Variants in NRXN3 observed in about 807,000 individuals in gnomAD.
NRXN3 encodes neurexin III.
NRXN3 carries 32 observed loss-of-function variants against 137.6 expected under a neutral mutation model. The ratio of observed to expected loss-of-function variants is 0.23; its 90% CI spans 0.18 to 0.31. The LOEUF (loss-of-function observed/expected upper bound fraction) is 0.31, where lower values mean the gene tolerates loss of function less well. NRXN3 is among the 10% of genes least tolerant of loss of function. NRXN3 has a pLI of 1.00. For synonymous variants in NRXN3, 798 were observed against 784.5 expected (o/e 1.02, Z -0.29); for missense variants, 1,574 against 2,062.5 (o/e 0.76, Z 4.59).
intron 4 of NRXN3, chr14:78,526,770 G>A (rs1379556398): frequency 1.9e-6 from 1 of 517,892 alleles, no homozygotes; most frequent in Non-Finnish European, 3.9e-6. Context: ...AGACAGGAAA[G>A]CTGAGTTGGA....
At chr14:79,073,067 AGT>A (rs2099690227) in intron 15 of NRXN3, among the ~76,000 whole-genome samples, 1 of 151,960 alleles carries the variant, frequency 6.6e-6, no homozygotes. Flanking sequence ...TTGTATTTTT[AGT>A]ACAGACAGTG....
chr14:79,732,626 G>T (rs2098928151), intron 19 of NRXN3, among the ~76,000 whole-genome samples: 1 of 152,076 alleles, frequency 6.6e-6, no homozygotes, highest in Admixed American at 6.6e-5. Context: ...CTTTTGTGAG[G>T]TTTCATTCAT....
At position 79,346,274 on chromosome 14, in the gene NRXN3, T is replaced by G. The variant is rs111283181; in HGVS notation, c.3263-120947T>G. Among the ~76,000 whole-genome samples the G allele has an allele frequency of 2.8e-4, 42 of 152,144 alleles. 1 individual carries two copies. The highest frequency in any genetic ancestry group is 9.6e-4 in the African/African-American group (40 of 41,504). On this transcript the variant is annotated intron_variant, in intron 15 of 20. Transcript: ENST00000335750. Reference sequence around the variant, plus strand: ...ATCTCTGCTAAAAATACAAAAAAATTAGCTGGATGTGGTGGTGGCACCTGT... The same window carrying G: ...ATCTCTGCTAAAAATACAAAAAAATGAGCTGGATGTGGTGGTGGCACCTGT...
chr14:79,203,071 TA>T (rs1263250654), intron 15 of NRXN3, among the ~76,000 whole-genome samples: 2 of 152,202 alleles, frequency 1.3e-5, no homozygotes, highest in East Asian at 3.8e-4. Context: ...CATTATCTTT[TA>T]CCAGAAAACT....
intron 16 of NRXN3, among the ~76,000 whole-genome samples, chr14:79,556,267 T>C (rs1327958206): frequency 6.6e-6 from 1 of 152,174 alleles, no homozygotes; most frequent in Non-Finnish European, 1.5e-5. Flanking sequence ...TGTGTATTAT[T>C]CTCTGAGAGG....
intron 15 of NRXN3, among the ~76,000 whole-genome samples, chr14:79,305,806 C>T (rs543053156): frequency 7.2e-4 from 109 of 152,184 alleles, no homozygotes; most frequent in African/African-American, 2.5e-3. Flanking sequence ...TCAGTTTCCT[C>T]ACCTGTCCAG....
chr14:79,237,344 G>A (rs1397499080), intron 15 of NRXN3, among the ~76,000 whole-genome samples: 13 of 152,094 alleles, frequency 8.5e-5, no homozygotes, highest in African/African-American at 2.4e-4. Flanking sequence ...CAGATTTGGC[G>A]GTACAGGGGA....
intron 15 of NRXN3, among the ~76,000 whole-genome samples, chr14:79,299,643 A>G (rs2153222217): frequency 6.6e-6 from 1 of 152,232 alleles, no homozygotes; most frequent in African/African-American, 2.4e-5. Flanking sequence ...ATACCCAAAA[A>G]ACTTAGTAAA....
intron 15 of NRXN3, among the ~76,000 whole-genome samples, chr14:79,428,127 A>G (rs2095686538): frequency 6.6e-6 from 1 of 152,134 alleles, no homozygotes; most frequent in Non-Finnish European, 1.5e-5. Flanking sequence ...ATATCTGGCA[A>G]TGGAGGATAT....
intron 10 of NRXN3, among the ~76,000 whole-genome samples, chr14:78,872,593 A>G (rs2099104212): frequency 2.6e-5 from 4 of 152,144 alleles, no homozygotes; most frequent in Admixed American, 2.6e-4. Flanking sequence ...CTAACAAACC[A>G]TTAGAAACTG....
chr14:78,929,447 A>C (rs1279460123), intron 10 of NRXN3, among the ~76,000 whole-genome samples: 1 of 152,186 alleles, frequency 6.6e-6, no homozygotes, highest in Non-Finnish European at 1.5e-5. Context: ...TATAAGTGAG[A>C]ACATGCAGTA....
At chr14:78,611,144 T>C (rs2097297088) in intron 4 of NRXN3, among the ~76,000 whole-genome samples, 1 of 151,970 alleles carries the variant, frequency 6.6e-6, no homozygotes, top group Admixed American at 6.6e-5. Flanking sequence ...AGCTGAAAAA[T>C]GGCAGCTAAA....
At chr14:79,678,826 T>A (rs1013465726) in intron 17 of NRXN3, among the ~76,000 whole-genome samples, 5 of 152,246 alleles carry the variant, frequency 3.3e-5, no homozygotes, top group Non-Finnish European at 7.4e-5. Context: ...TCTTTTAATC[T>A]CTTGGATCAT....
rs369978239 is a variant in NRXN3, at chr14:79,117,331, G to C, written c.3262+129190G>C. On this transcript the variant is annotated intron_variant, in intron 15 of 20. Transcript: ENST00000335750. ...GAGGGAAGGACTCAGATGGAAATAAGGTATCACAGAAGGGTGCAGAGTGCC... is the reference window on the plus strand; with the variant it reads ...GAGGGAAGGACTCAGATGGAAATAACGTATCACAGAAGGGTGCAGAGTGCC... Among the ~76,000 whole-genome samples the C allele has an allele frequency of 7.9e-5, 12 of 152,262 alleles. No homozygotes were observed. In the East Asian group the frequency reaches 1.9e-3, roughly 25 times the overall value.
chr14:79,058,189 G>T (rs1236480373), intron 15 of NRXN3, among the ~76,000 whole-genome samples: 1 of 152,042 alleles, frequency 6.6e-6, no homozygotes, highest in Non-Finnish European at 1.5e-5. Context: ...TTTAACAGGG[G>T]TGATTAAAAG....
intron 6 of NRXN3, among the ~76,000 whole-genome samples, chr14:78,700,947 C>T (rs1233731950): frequency 5.9e-5 from 9 of 151,926 alleles, no homozygotes; most frequent in African/African-American, 1.9e-4. Context: ...AATTTTTGTA[C>T]TTTTAGTAGG....
chr14:79,797,583 A>G (rs1433601331), intron 19 of NRXN3, among the ~76,000 whole-genome samples: 1 of 152,196 alleles, frequency 6.6e-6, no homozygotes, highest in African/African-American at 2.4e-5. Context: ...ATTTGATCAT[A>G]ACAATGTCAG....
chr14:79,280,572 G>A (rs1401186248), intron 15 of NRXN3: 2 of 1,580,688 alleles, frequency 1.3e-6, no homozygotes, highest in South Asian at 1.1e-5. Context: ...TTTTAATGGG[G>A]CATAGCAATT....
At chr14:79,667,348 G>A (rs1207127305) in intron 17 of NRXN3, among the ~76,000 whole-genome samples, 1 of 151,946 alleles carries the variant, frequency 6.6e-6, no homozygotes, top group Non-Finnish European at 1.5e-5. Flanking sequence ...TCCTATAGAA[G>A]ATTTATGTTA....
Sources: allele counts gnomAD v4.1 joint callset (sites outside exome capture counted in the v4.1 genomes callset), GRCh38; gene constraint gnomAD v4.1.1; transcripts MANE v1.5; gene names NCBI Gene and HGNC (gene_info 2026-07-23, HGNC 2026-07-21).